The following ZNF850 variants were observed in gnomAD, a reference collection of about 807,000 sequenced individuals.
The protein encoded by ZNF850 is zinc finger protein 850.
Under a neutral mutation model 11.9 loss-of-function variants are expected in ZNF850, and 2 were observed. The observed-to-expected ratio is 0.17, with a 90% confidence interval of 0.07 to 0.53. The LOEUF (loss-of-function observed/expected upper bound fraction) is 0.53. Among genes scored for constraint, ZNF850 ranks in the 20% least tolerant of loss-of-function variants. The pLI is 0.94. For missense variants in ZNF850, 1,014 were observed against 1,316.4 expected (o/e 0.77, Z 3.55); for synonymous variants, 381 against 443.0 (o/e 0.86, Z 1.76).
intron 4 of ZNF850, among the ~76,000 whole-genome samples, chr19:36,755,115 T>C (rs980295350): frequency 2.0e-5 from 3 of 152,068 alleles, no homozygotes; most frequent in Admixed American, 6.6e-5. Context: ...ATGTAAATAT[T>C]GACTATAGTG....
Position 36,747,436 on chromosome 19 carries a change from T to A in ZNF850, c.*331A>T. The A allele has an allele frequency of 5.3e-6, 1 of 189,510 alleles. No individual in the cohort carries two copies. The highest frequency in any genetic ancestry group is 1.3e-4 in the East Asian group (1 of 7,814). 11.7% of individuals were successfully genotyped at this position (189,510 alleles called of 1,614,324 possible). ...CCAGGTCAGGAGATCGAGACCATCCTGGCTAACACAGTGAAACCCTGTCTC... is the reference window on the plus strand; with the variant it reads ...CCAGGTCAGGAGATCGAGACCATCCAGGCTAACACAGTGAAACCCTGTCTC... On this transcript the variant is annotated 3_prime_UTR_variant, in exon 5 of 5. Transcript: ENST00000591344.
chr19:36,750,396 T>C lies in ZNF850; in HGVS notation c.644A>G (p.His215Arg), dbSNP rs950994480. 1 of 1,536,640 alleles carries C rather than the reference T, an allele frequency of 6.5e-7. No homozygotes were observed. Among genetic ancestry groups the C allele is most frequent in the Non-Finnish European group, 8.7e-7 (1 of 1,146,954 alleles). Residue 215 changes from histidine (H) to arginine (R), a missense_variant, in exon 5 of 5, where the codon CAT becomes CGT. His to Arg is a conservative substitution (Grantham distance 29). Around this residue, in one of 2 missense-constraint regions of ZNF850, gnomAD observed 835 missense variants for 1,022.0 expected, o/e 0.82. Coordinates refer to ENST00000591344, the MANE Select transcript of ZNF850 (RefSeq NM_001193552.2). ...CTTTTCCCCAGTATGAATTCTCTGATGTTTAACAAGATAGGAAAAGTGATG... is the reference window on the plus strand; with the variant it reads ...CTTTTCCCCAGTATGAATTCTCTGACGTTTAACAAGATAGGAAAAGTGATG... The part of the protein sequence containing the change: ...AFHHFSYLVK[H>R]QRIHTGEKPC...
rs374633602 is a variant in ZNF850, at chr19:36,747,422, G to A, written c.*345C>T. ...TGGTGGGTGGATCACCAGGTCAGGA[G>A]ATCGAGACCATCCTGGCTAACACAG... On this transcript the variant is annotated 3_prime_UTR_variant, in exon 5 of 5. Coordinates refer to ENST00000591344, the MANE Select transcript of ZNF850 (RefSeq NM_001193552.2). 24 of 180,676 alleles carry A rather than the reference G, an allele frequency of 1.3e-4. No individual in the cohort carries two copies. In the South Asian group the frequency reaches 3.6e-3, roughly 27 times the overall value. 11.2% of individuals were successfully genotyped at this position (180,676 alleles called of 1,614,324 possible).
intron 1 of ZNF850, among the ~76,000 whole-genome samples, chr19:36,763,198 A>G (rs2040529651): frequency 6.6e-6 from 1 of 151,782 alleles, no homozygotes; most frequent in Admixed American, 6.6e-5. Context: ...GCCTTTCCTC[A>G]TTTCTTAAAG....
chr19:36,751,998 G>A (rs2040456833), intron 4 of ZNF850, among the ~76,000 whole-genome samples: 1 of 152,028 alleles, frequency 6.6e-6, no homozygotes. Context: ...AAGTGAGAAA[G>A]TAACATCTCA....
intron 1 of ZNF850, among the ~76,000 whole-genome samples, chr19:36,766,615 G>A (rs1227820): frequency 0.79 from 120,234 of 152,112 alleles, 48,301 homozygotes; most frequent in African/African-American, 0.88. Flanking sequence ...TTTCCCCTCC[G>A]ATCTGTCCAC....
chr19:36,755,058 G>A lies in ZNF850; in HGVS notation c.236-4254C>T, dbSNP rs766235603. Among the ~76,000 whole-genome samples, 5 of 152,232 alleles carry A rather than the reference G, an allele frequency of 3.3e-5. 1 individual carries two copies. In the South Asian group the frequency reaches 8.3e-4, roughly 25 times the overall value. ...AAAAACACTGACAATTCAGCAGTGCGTGAAGTAAGTCTGAACACACTTCCA... is the reference window on the plus strand; with the variant it reads ...AAAAACACTGACAATTCAGCAGTGCATGAAGTAAGTCTGAACACACTTCCA... On this transcript the variant is annotated intron_variant, in intron 4 of 4. Transcript: ENST00000591344.
chr19:36,750,696 G>A lies in ZNF850; in HGVS notation c.344C>T (p.Ser115Phe), dbSNP rs780879996. ...GCATTCCCAGTCATCTCTGACACTG[G>A]AGCCCACAAGGCTATGACATTTTTC... The part of the protein sequence containing the change: ...RMEKCHSLVG[S>F]SVRDDWECKG... Residue 115 changes from serine (S) to phenylalanine (F), a missense_variant, in exon 5 of 5, where the codon TCC (serine) becomes TTC (phenylalanine). By Grantham distance (155) the Ser-to-Phe change is radical. Coordinates refer to ENST00000591344, the MANE Select transcript of ZNF850 (RefSeq NM_001193552.2). 6.5e-6 allele frequency: 10 copies of A among 1,536,156 alleles called. No homozygotes were observed. Among genetic ancestry groups the A allele is most frequent in the Non-Finnish European group, 8.7e-6 (10 of 1,146,918 alleles).
intron 4 of ZNF850, among the ~76,000 whole-genome samples, chr19:36,761,406 T>G (rs553673081): frequency 5.9e-5 from 9 of 152,082 alleles, no homozygotes; most frequent in African/African-American, 2.2e-4. Context: ...GCCACTGCAC[T>G]CCAGCCTGGG....
chr19:36,765,044 A>T (rs1399612672), intron 1 of ZNF850, among the ~76,000 whole-genome samples: 2 of 152,160 alleles, frequency 1.3e-5, no homozygotes, highest in Admixed American at 1.3e-4. Context: ...AAAACAAGTC[A>T]GAACCATTGG....
In ZNF850 at chr19:36,749,477, A is replaced by T; in HGVS notation, c.1563T>A (p.Leu521=). The T allele has an allele frequency of 6.5e-7, 1 of 1,549,724 alleles. No homozygotes were observed. The highest frequency in any genetic ancestry group is 8.7e-7 in the Non-Finnish European group (1 of 1,152,158). Residue 521 remains leucine, a synonymous_variant, in exon 5 of 5, where the codon CTT becomes CTA. Transcript: ENST00000591344. Reference sequence around the variant, plus strand: ...CACCAGTGTGAATTCGCTGATGTTGAAGTAGTGCTGAGCCAGAAGCAAAAG... The same window carrying T: ...CACCAGTGTGAATTCGCTGATGTTGTAGTAGTGCTGAGCCAGAAGCAAAAG... ...GKSFASGSAL[L]QHQRIHTGEK...
intron 1 of ZNF850, among the ~76,000 whole-genome samples, chr19:36,769,620 A>C (rs893637567): frequency 2.0e-5 from 3 of 152,182 alleles, no homozygotes; most frequent in Non-Finnish European, 2.9e-5. Context: ...ATAAATAAAT[A>C]AATAAAAATT....
At chr19:36,753,911 G>A (rs1162473788) in intron 4 of ZNF850, among the ~76,000 whole-genome samples, 4 of 152,002 alleles carry the variant, frequency 2.6e-5, no homozygotes, top group Admixed American at 2.6e-4. Flanking sequence ...ACTAAGTATG[G>A]GCATCAGATT....
chr19:36,759,054 GC>G (rs1448494680), intron 4 of ZNF850, among the ~76,000 whole-genome samples: 1 of 151,180 alleles, frequency 6.6e-6, no homozygotes, highest in Non-Finnish European at 1.5e-5. Context: ...CAGCACTCCA[GC>G]CTGGCAACAG....
intron 4 of ZNF850, among the ~76,000 whole-genome samples, chr19:36,757,918 C>T (rs2040496635): frequency 6.6e-6 from 1 of 152,098 alleles, no homozygotes; most frequent in South Asian, 2.1e-4. Context: ...AACTCCTGGA[C>T]TCAAGCAATC....
chr19:36,753,677 G>A (rs1600607474), intron 4 of ZNF850, among the ~76,000 whole-genome samples: 2 of 151,742 alleles, frequency 1.3e-5, no homozygotes, highest in Admixed American at 1.3e-4. Flanking sequence ...CACCATGCTT[G>A]CTATATGCCA....
At position 36,748,815 on chromosome 19, in the gene ZNF850, G is replaced by A. The variant is rs1363829336; in HGVS notation, c.2225C>T (p.Ser742Leu). 5 of 1,548,358 alleles carry A rather than the reference G, an allele frequency of 3.2e-6. No homozygotes were observed. In the African/African-American group the frequency reaches 6.8e-5, roughly 21 times the overall value. ...KECGKSFTSHSTLIQHQQIHT... is the reference protein window; with the variant it reads ...KECGKSFTSHLTLIQHQQIHT... ...AATTTGCTGATGTTGAATTAGTGTT[G>A]AGTGAGAAGTAAAAGATTTCCCACA... The change falls in exon 5 of 5, where the codon TCA (serine) becomes TTA (leucine). Residue 742 changes from serine (S) to leucine (L), a missense_variant. This residue lies in a region of ZNF850 where 835 missense variants were observed against 1,022.0 expected (regional missense o/e 0.82). Transcript: ENST00000591344.
At chr19:36,760,668 C>T (rs538090192) in intron 4 of ZNF850, among the ~76,000 whole-genome samples, 1 of 151,936 alleles carries the variant, frequency 6.6e-6, no homozygotes, top group South Asian at 2.1e-4. Context: ...AGTTCAGGAC[C>T]AGCCTGGCCA....
chr19:36,757,581 AC>A (rs1252709838), intron 4 of ZNF850, among the ~76,000 whole-genome samples: 1 of 140,616 alleles, frequency 7.1e-6, no homozygotes, highest in African/African-American at 2.7e-5. Flanking sequence ...ATCTTGGCTC[AC>A]TGCAACCTCT....
Sources: gnomAD v4.1 joint callset for allele counts (sites outside exome capture counted in the v4.1 genomes callset) on GRCh38, gnomAD v4.1.1 for gene constraint, gnomAD v4.1.1 regional missense constraint, MANE v1.5 for transcripts, NCBI Gene and HGNC (gene_info 2026-07-23, HGNC 2026-07-21) for gene names.